The following C1orf87 variants were observed in gnomAD, a reference collection of about 807,000 sequenced individuals.
The protein encoded by C1orf87 is uncharacterized protein C1orf87.
In C1orf87, 58 loss-of-function variants were observed where a neutral mutation model predicts 60.5. That is an observed-to-expected ratio of 0.96 (90% confidence interval 0.78 to 1.19). The LOEUF (loss-of-function observed/expected upper bound fraction) is 1.19, where lower values mean the gene tolerates loss of function less well. C1orf87 is among the 50% of genes most tolerant of loss of function. The pLI is 0.00. For synonymous variants in C1orf87, 236 were observed against 227.4 expected, an observed-to-expected ratio of 1.04 and a Z score of -0.34; for missense variants, 673 against 638.6, an observed-to-expected ratio of 1.05 and a Z score of -0.58.
chr1:60,060,244 C>T (rs1219845221), intron 2 of C1orf87, among the ~76,000 whole-genome samples: 1 of 152,038 alleles, frequency 6.6e-6, no homozygotes, highest in Admixed American at 6.6e-5. Flanking sequence ...TATGTTCTAT[C>T]TAAATGCTTA....
intron 9 of C1orf87, among the ~76,000 whole-genome samples, chr1:60,005,236 A>C (rs1163697401): frequency 6.6e-6 from 1 of 152,094 alleles, no homozygotes; most frequent in Non-Finnish European, 1.5e-5. Flanking sequence ...TGAGGCAATG[A>C]ATGTTTTAGT....
At chr1:60,040,676 A>G (rs1645316253) in intron 4 of C1orf87, among the ~76,000 whole-genome samples, 2 of 151,298 alleles carry the variant, frequency 1.3e-5, no homozygotes, top group African/African-American at 4.9e-5. Context: ...TTGTCTGTGA[A>G]CTCCTCAGGA....
intron 8 of C1orf87, among the ~76,000 whole-genome samples, chr1:60,019,266 C>T (rs910379896): frequency 1.3e-5 from 2 of 152,228 alleles, no homozygotes; most frequent in Admixed American, 1.3e-4. Flanking sequence ...ACTGTCTCTT[C>T]CTCTCTCCTG....
intron 2 of C1orf87, 48 bp from the exon 3 acceptor site, chr1:60,055,486 A>G: frequency 6.6e-7 from 1 of 1,514,534 alleles, no homozygotes; most frequent in Non-Finnish European, 9.2e-7. Flanking sequence ...CAGACTCCTC[A>G]TACACTAGGC....
chr1:59,998,032 G>C (rs1397721558), intron 10 of C1orf87, among the ~76,000 whole-genome samples: 1 of 152,164 alleles, frequency 6.6e-6, no homozygotes, highest in Non-Finnish European at 1.5e-5. Flanking sequence ...AAAGAGAAGG[G>C]TGACATCATG....
chr1:60,072,196 C>G (rs1645588416), intron 2 of C1orf87, among the ~76,000 whole-genome samples: 1 of 152,126 alleles, frequency 6.6e-6, no homozygotes. Context: ...TTAAACCTCC[C>G]CCACTCTCCC....
chr1:60,067,278 CCAA>C (rs1402520030), intron 2 of C1orf87, among the ~76,000 whole-genome samples: 2 of 152,194 alleles, frequency 1.3e-5, no homozygotes, highest in African/African-American at 2.4e-5. Flanking sequence ...TACACTCCCA[CCAA>C]CAGTGTAAAA....
At chr1:60,064,746 T>TA (rs1645527354) in intron 2 of C1orf87, among the ~76,000 whole-genome samples, 1 of 94,050 alleles carries the variant, frequency 1.1e-5, no homozygotes, top group Non-Finnish European at 1.9e-5. Flanking sequence ...AAATAGAATA[T>TA]TAAATATATA....
At chr1:60,037,891 A>G (rs1453335060) in intron 6 of C1orf87, 101 bp downstream of exon 6, 1 of 637,546 alleles carries the variant, frequency 1.6e-6, no homozygotes, top group Non-Finnish European at 2.6e-6. Context: ...TCATACATTT[A>G]TATTCTTTAT....
chr1:60,002,421 A>C (rs1391856073), intron 9 of C1orf87, among the ~76,000 whole-genome samples: 1 of 152,066 alleles, frequency 6.6e-6, no homozygotes, highest in African/African-American at 2.4e-5. Context: ...TTGGCTGCAT[A>C]AATGTCTTCT....
chr1:60,001,256 A>T, intron 9 of C1orf87, 100 bp from the exon 10 acceptor site: 1 of 881,560 alleles, frequency 1.1e-6, no homozygotes. Context: ...CAACAAAAAA[A>T]TGGAGGCTTT....
intron 3 of C1orf87, among the ~76,000 whole-genome samples, chr1:60,052,715 C>G (rs1645422990): frequency 6.6e-6 from 1 of 152,172 alleles, no homozygotes; most frequent in Non-Finnish European, 1.5e-5. Flanking sequence ...CTGTTACGTC[C>G]CAGGCAGGAA....
intron 2 of C1orf87, among the ~76,000 whole-genome samples, chr1:60,069,454 G>C (rs1645570212): frequency 6.6e-6 from 1 of 152,046 alleles, no homozygotes; most frequent in South Asian, 2.1e-4. Context: ...AACTATGTTG[G>C]AAGGCGGTTA....
At position 60,035,295 on chromosome 1, in the gene C1orf87, A is replaced by G. The variant is rs554494826; in HGVS notation, c.864-1654T>C. Among the ~76,000 whole-genome samples the G allele has an allele frequency of 1.2e-4, 18 of 152,294 alleles. No individual in the cohort carries two copies. In the East Asian group the frequency reaches 3.5e-3, roughly 29 times the overall value. On this transcript the variant is annotated intron_variant, in intron 6 of 11. Transcript: ENST00000371201. ...CAGTTTCTGGGGATAAGAATTCATG[A>G]AGCTTTGGTCCCTGGCTCCGTACAC...
intron 3 of C1orf87, among the ~76,000 whole-genome samples, chr1:60,054,083 A>T (rs1645435378): frequency 6.6e-6 from 1 of 152,256 alleles, no homozygotes; most frequent in Admixed American, 6.5e-5. Flanking sequence ...AAACATTCAG[A>T]TAAAAATTCA....
chr1:60,042,013 G>A (rs1645328686), intron 3 of C1orf87, among the ~76,000 whole-genome samples: 1 of 152,130 alleles, frequency 6.6e-6, no homozygotes, highest in African/African-American at 2.4e-5. Context: ...CTAAACCCCA[G>A]AGAAAGGCTG....
chr1:60,060,090 C>CTT (rs551034497), intron 2 of C1orf87, among the ~76,000 whole-genome samples: 52,396 of 142,782 alleles, frequency 0.37, 9,750 homozygotes, highest in Middle Eastern at 0.42. Flanking sequence ...GTTTCTTTTT[C>CTT]TTTTTTTTTT....
chr1:60,007,316 A>G (rs1257465989), intron 9 of C1orf87, among the ~76,000 whole-genome samples: 6 of 152,134 alleles, frequency 3.9e-5, no homozygotes, highest in Non-Finnish European at 8.8e-5. Context: ...CTCATCAGCA[A>G]TGTCTAATCT....
intron 9 of C1orf87, among the ~76,000 whole-genome samples, chr1:60,002,389 A>T (rs1645012196): frequency 6.6e-6 from 1 of 152,064 alleles, no homozygotes; most frequent in Non-Finnish European, 1.5e-5. Context: ...AGAAAGTGTA[A>T]AGCAATTTTT....
Sources: gnomAD v4.1 joint callset for allele counts (sites outside exome capture counted in the v4.1 genomes callset) on GRCh38, gnomAD v4.1.1 for gene constraint, MANE v1.5 for transcripts, NCBI Gene and HGNC (gene_info 2026-07-23, HGNC 2026-07-21) for gene names.